PDZD2: variants seen among roughly 807,000 people sequenced by gnomAD.
The protein encoded by PDZD2 is PDZ domain containing 2, also known as PDZ domain-containing protein 2.
A neutral mutation model predicts 220.7 loss-of-function variants in PDZD2; 90 were observed. That is an observed-to-expected ratio of 0.41 (90% CI 0.34 to 0.49). The LOEUF (loss-of-function observed/expected upper bound fraction) is 0.49. PDZD2 is among the 20% of genes least tolerant of loss of function. The pLI is 0.28. For synonymous variants in PDZD2, 1,375 were observed against 1,450.5 expected (o/e 0.95, Z 1.18); for missense variants, 3,174 against 3,608.5 (o/e 0.88, Z 3.08).
At chr5:31,895,744 G>C (rs1741488735) in intron 2 of PDZD2, among the ~76,000 whole-genome samples, 1 of 151,972 alleles carries the variant, frequency 6.6e-6, no homozygotes, top group Non-Finnish European at 1.5e-5. Flanking sequence ...CCTCATGAAG[G>C]CGCCTCTACC....
At chr5:31,671,834 A>T (rs1746228727) in intron 1 of PDZD2, among the ~76,000 whole-genome samples, 1 of 152,226 alleles carries the variant, frequency 6.6e-6, no homozygotes, top group South Asian at 2.1e-4. Flanking sequence ...TTATGCGGTC[A>T]GGTCTGAAGC....
At chr5:31,993,056 G>C (rs1472089900) in intron 3 of PDZD2, among the ~76,000 whole-genome samples, 1 of 152,120 alleles carries the variant, frequency 6.6e-6, no homozygotes. Flanking sequence ...TTGCCATCTT[G>C]GTGGTTGCAC....
At chr5:31,864,629 C>T (rs557605193) in intron 2 of PDZD2, among the ~76,000 whole-genome samples, 259 of 151,948 alleles carry the variant, frequency 1.7e-3, no homozygotes, top group Non-Finnish European at 1.4e-3. Context: ...AAGTGATTCT[C>T]CTGCATCAGC....
chr5:31,790,833 G>A (rs1034278635), intron 1 of PDZD2, among the ~76,000 whole-genome samples: 8 of 150,860 alleles, frequency 5.3e-5, no homozygotes, highest in Non-Finnish European at 1.0e-4. Flanking sequence ...TGAATAGCTG[G>A]GATTACAGGC....
chr5:31,902,522 G>T (rs183612542), intron 2 of PDZD2, among the ~76,000 whole-genome samples: 1 of 145,520 alleles, frequency 6.9e-6, no homozygotes, highest in Non-Finnish European at 1.5e-5. Context: ...TCATTCTGTC[G>T]CCCAGGCTGG....
intron 2 of PDZD2, among the ~76,000 whole-genome samples, chr5:31,865,049 T>A (rs1324333898): frequency 8.6e-5 from 13 of 151,480 alleles, no homozygotes; most frequent in African/African-American, 3.1e-4. Context: ...GGGTTTCACC[T>A]TGTTAGCCAG....
intron 1 of PDZD2, among the ~76,000 whole-genome samples, chr5:31,706,268 T>C (rs1747816386): frequency 6.6e-6 from 1 of 152,178 alleles, no homozygotes; most frequent in Non-Finnish European, 1.5e-5. Context: ...TGAGCTTCCT[T>C]GTAGACAAAG....
At position 32,088,090 on chromosome 5, in the gene PDZD2, C is replaced by G; in HGVS notation, c.4642C>G (p.Leu1548Val). The G allele has an allele frequency of 6.2e-7, 1 of 1,614,212 alleles. No homozygotes were observed. Among genetic ancestry groups the G allele is most frequent in the Non-Finnish European group, 8.5e-7 (1 of 1,180,028 alleles). Reference protein sequence around the residue: ...SGLGDSTEPSLSSMYGDAEDS... With the variant: ...SGLGDSTEPSVSSMYGDAEDS... ...CCTGGGTGACAGCACGGAGCCGTCT[C>G]TGTCATCCATGTATGGCGATGCTGA... Residue 1548 changes from leucine (L) to valine (V), a missense_variant, in exon 20 of 25, where the codon CTG (leucine) becomes GTG (valine). Coordinates refer to ENST00000438447, the MANE Select transcript of PDZD2 (RefSeq NM_178140.4). This position sits in a 1 kb window ranked among gnomAD's most constrained non-coding sequence, Gnocchi z 4.6.
intron 2 of PDZD2, among the ~76,000 whole-genome samples, chr5:31,937,504 T>C (rs4867401): frequency 0.95 from 144,531 of 152,310 alleles, 68,653 homozygotes; most frequent in African/African-American, 0.99. Flanking sequence ...GGCATCCTCA[T>C]GCTGTGGTCA....
Position 32,000,201 on chromosome 5 carries a change from T to C in PDZD2, c.1184T>C (p.Leu395Pro). ...ATCAATGGTCATTTACTGGTCGGGC[T>C]CTCCCACGAGGAAGCAGTGGCCATT... ...LVINGHLLVG[L>P]SHEEAVAILR... The change falls in exon 5 of 25, where the codon CTC (leucine) becomes CCC (proline). Residue 395 changes from leucine (L) to proline (P), a missense_variant. Physicochemically the swap from Leu to Pro is moderately conservative, Grantham distance 98 (BLOSUM62 -3). Transcript: ENST00000438447. The surrounding 1 kb of genome is among the most constrained non-coding windows in gnomAD (Gnocchi z 4.5). 1 of 1,614,024 alleles carries C rather than the reference T, an allele frequency of 6.2e-7. No homozygotes were observed. The highest frequency in any genetic ancestry group is 8.5e-7 in the Non-Finnish European group (1 of 1,179,928).
chr5:32,056,949 C>T (rs1489871483), intron 10 of PDZD2, among the ~76,000 whole-genome samples: 1 of 151,972 alleles, frequency 6.6e-6, no homozygotes, highest in African/African-American at 2.4e-5. Context: ...AAAAAATTAG[C>T]CATATATGGT....
At chr5:31,933,279 T>A (rs942827219) in intron 2 of PDZD2, among the ~76,000 whole-genome samples, 7 of 152,228 alleles carry the variant, frequency 4.6e-5, no homozygotes, top group Admixed American at 3.9e-4. Context: ...TTTTTACGGC[T>A]GAATAGTATT....
chr5:31,953,489 A>G (rs914368513), intron 2 of PDZD2, among the ~76,000 whole-genome samples: 2 of 152,068 alleles, frequency 1.3e-5, no homozygotes, highest in African/African-American at 4.8e-5. Flanking sequence ...GAAAAGATAA[A>G]CTAAACCGAT....
At chr5:31,772,722 C>T (rs535538320) in intron 1 of PDZD2, among the ~76,000 whole-genome samples, 1 of 144,338 alleles carries the variant, frequency 6.9e-6, no homozygotes, top group South Asian at 2.1e-4. Flanking sequence ...ACTTTGGAAT[C>T]AGTGCTGCCT....
At chr5:31,927,582 A>G (rs1277057944) in intron 2 of PDZD2, among the ~76,000 whole-genome samples, 1 of 151,930 alleles carries the variant, frequency 6.6e-6, no homozygotes, top group Non-Finnish European at 1.5e-5. Context: ...ACGGGGTTTC[A>G]CCATGTTGGC....
intron 4 of PDZD2, among the ~76,000 whole-genome samples, chr5:31,998,407 G>T (rs757826021): frequency 1.3e-5 from 2 of 152,144 alleles, no homozygotes; most frequent in Non-Finnish European, 2.9e-5. Flanking sequence ...CAAATTCATA[G>T]AAAAGACAAT....
chr5:32,062,842 G>A (rs971565306), intron 14 of PDZD2, among the ~76,000 whole-genome samples: 1 of 151,992 alleles, frequency 6.6e-6, no homozygotes, highest in Non-Finnish European at 1.5e-5. Context: ...TACTGGTTTT[G>A]CTTGTTCCTC....
intron 2 of PDZD2, among the ~76,000 whole-genome samples, chr5:31,956,352 T>TTTG (rs58101688): frequency 1.2e-4 from 16 of 138,278 alleles, no homozygotes; most frequent in Non-Finnish European, 2.0e-4. Context: ...TTTTTTTTTT[T>TTTG]GAAAAGATAA....
intron 6 of PDZD2, among the ~76,000 whole-genome samples, chr5:32,036,910 G>T (rs1302118666): frequency 3.9e-5 from 6 of 152,218 alleles, no homozygotes; most frequent in Non-Finnish European, 8.8e-5. Context: ...TGACCAACAA[G>T]TGTCCTCAGG....
Sources: gnomAD v4.1 joint callset for allele counts (sites outside exome capture counted in the v4.1 genomes callset) on GRCh38, gnomAD v4.1.1 for gene constraint, Gnocchi (gnomAD v3.1) non-coding constraint, MANE v1.5 for transcripts, NCBI Gene and HGNC (gene_info 2026-07-23, HGNC 2026-07-21) for gene names.